The following DYNC2H1 variants were observed in gnomAD, a reference collection of about 807,000 sequenced individuals.
DYNC2H1 encodes the protein cytoplasmic dynein 2 heavy chain 1.
A neutral mutation model predicts 570.0 loss-of-function variants in DYNC2H1; 410 were observed. The ratio of observed to expected loss-of-function variants is 0.72; its 90% CI spans 0.66 to 0.78. The LOEUF is 0.78. Among genes scored for constraint, DYNC2H1 ranks in the 30% least tolerant of loss-of-function variants. The pLI, the probability that DYNC2H1 is intolerant of heterozygous loss-of-function variation, is 0.00. For synonymous variants in DYNC2H1, 1,688 were observed against 1,677.6 expected (o/e 1.01, Z -0.15); for missense variants, 4,865 against 5,046.4 (o/e 0.96, Z 1.09).
chr11:103,417,475 A>G (rs186359828), intron 84 of DYNC2H1, among the ~76,000 whole-genome samples: 2 of 152,344 alleles, frequency 1.3e-5, no homozygotes, highest in East Asian at 3.9e-4. Context: ...TCATGCACAT[A>G]ATCACAAACA....
At chr11:103,477,201 C>A (rs1165139709) in intron 88 of DYNC2H1, among the ~76,000 whole-genome samples, 1 of 152,126 alleles carries the variant, frequency 6.6e-6, no homozygotes, top group Non-Finnish European at 1.5e-5. Flanking sequence ...TGCAAAGTAA[C>A]AGAATAAGAG....
Position 103,472,081 on chromosome 11 carries a change from G to A in DYNC2H1, c.12765+3376G>A, listed in dbSNP as rs1047480873. 1.3e-5 allele frequency among the ~76,000 whole-genome samples: 2 copies of A among 152,176 alleles called. No homozygotes were observed. The highest frequency in any genetic ancestry group is 2.9e-5 in the Non-Finnish European group (2 of 68,026). On this transcript the variant is annotated intron_variant, in intron 88 of 88. Coordinates refer to ENST00000375735, the MANE Select transcript of DYNC2H1 (RefSeq NM_001377.3). This position sits in a 1 kb window ranked among gnomAD's most constrained non-coding sequence, Gnocchi z 4.1. Reference sequence around the variant, plus strand: ...TAGAAAAGAGCTTAGGATATTCTGGGAACAGCAAGTATTGTACATCTGGAG... The same window carrying A: ...TAGAAAAGAGCTTAGGATATTCTGGAAACAGCAAGTATTGTACATCTGGAG...
At chr11:103,259,267 A>G (rs1366635623) in intron 69 of DYNC2H1, among the ~76,000 whole-genome samples, 2 of 152,166 alleles carry the variant, frequency 1.3e-5, no homozygotes, top group African/African-American at 4.8e-5. Context: ...CAGGTTGACA[A>G]CCTACCCTTC....
chr11:103,134,459 G>A, intron 15 of DYNC2H1, 40 bp downstream of exon 15: 1 of 1,497,168 alleles, frequency 6.7e-7, no homozygotes, highest in South Asian at 1.3e-5. Flanking sequence ...TTTGAAATAT[G>A]ACCTTTTCAG....
chr11:103,332,258 G>A (rs1938846638), intron 82 of DYNC2H1, among the ~76,000 whole-genome samples: 1 of 141,974 alleles, frequency 7.0e-6, no homozygotes, highest in Non-Finnish European at 1.5e-5. Flanking sequence ...CAGTGAAATT[G>A]AAGATAGAGC....
At chr11:103,298,963 A>C (rs545896085) in intron 75 of DYNC2H1, among the ~76,000 whole-genome samples, 1 of 152,228 alleles carries the variant, frequency 6.6e-6, no homozygotes, top group South Asian at 2.1e-4. Context: ...ATGTGCTGGC[A>C]AAATCTACTA....
chr11:103,135,799 A>G lies in DYNC2H1; in HGVS notation c.2425A>G (p.Ile809Val), dbSNP rs1207715176. The G allele has an allele frequency of 1.2e-6, 2 of 1,613,112 alleles. No individual in the cohort carries two copies. Among genetic ancestry groups the G allele is most frequent in the East Asian group, 2.2e-5 (1 of 44,858 alleles). Residue 809 changes from isoleucine (I) to valine (V), a missense_variant, in exon 17 of 89, where the codon ATT becomes GTT. Physicochemically the swap from Ile to Val is conservative, Grantham distance 29. Around this residue, in one of 5 missense-constraint regions of DYNC2H1, gnomAD observed 1,936 missense variants for 1,962.1 expected, o/e 0.99. Coordinates refer to ENST00000375735, the MANE Select transcript of DYNC2H1 (RefSeq NM_001377.3). ...YYREMKRFIG[I>V]PNQFKGVGEA... is the part of the protein sequence containing the mutation. The stretch of plus-strand genomic sequence containing the variant: ...TAGAGAAATGAAGAGATTCATCGGC[A>G]TTCCAAATCAGTTTAAGGGAGTGGG...
At chr11:103,462,643 A>G (rs1260184732) in intron 87 of DYNC2H1, among the ~76,000 whole-genome samples, 1 of 152,222 alleles carries the variant, frequency 6.6e-6, no homozygotes, top group Non-Finnish European at 1.5e-5. Context: ...TGTTGAAAAT[A>G]AAGAATACCT....
chr11:103,143,327 T>C lies in DYNC2H1; in HGVS notation c.2634T>C (p.Thr878=). ...MEALVEKHLF[T]VHDWEKNFKA... is the part of the protein sequence containing the mutation. Reference sequence around the variant, plus strand: ...CTCTGGTGGAAAAGCATCTTTTTACTGTACATGATTGGGAGAAAAATTTTA... The same window carrying C: ...CTCTGGTGGAAAAGCATCTTTTTACCGTACATGATTGGGAGAAAAATTTTA... Residue 878 remains threonine (T), a synonymous_variant, in exon 18 of 89, where the codon ACT becomes ACC. Transcript: ENST00000375735. 1 of 1,613,462 alleles carries C rather than the reference T, an allele frequency of 6.2e-7. No homozygotes were observed. The highest frequency in any genetic ancestry group is 8.5e-7 in the Non-Finnish European group (1 of 1,179,658).
chr11:103,288,684 T>TAAAAAAAAAAAAAAAA (rs57040929), intron 75 of DYNC2H1, among the ~76,000 whole-genome samples: 5 of 27,912 alleles, frequency 1.8e-4, no homozygotes, highest in Non-Finnish European at 1.8e-4. Flanking sequence ...CCGTCTCTAC[T>TAAAAAAAAAAAAAAAA]AAAAAAAAAA....
chr11:103,115,713 G>C (rs2134691649), intron 4 of DYNC2H1, among the ~76,000 whole-genome samples: 1 of 152,268 alleles, frequency 6.6e-6, no homozygotes, highest in Non-Finnish European at 1.5e-5. Flanking sequence ...CTGAACCTGA[G>C]AGGTGGAGGT....
intron 84 of DYNC2H1, among the ~76,000 whole-genome samples, chr11:103,410,134 C>T (rs1168999877): frequency 6.6e-6 from 1 of 151,962 alleles, no homozygotes; most frequent in African/African-American, 2.4e-5. Context: ...AGTATGCTTA[C>T]CATGTTACAA....
intron 87 of DYNC2H1, among the ~76,000 whole-genome samples, chr11:103,468,170 A>G (rs1945256754): frequency 6.6e-6 from 1 of 152,026 alleles, no homozygotes; most frequent in East Asian, 1.9e-4. Flanking sequence ...TTTTCATTAC[A>G]CTTTCTGAAC....
chr11:103,474,389 T>C (rs1040321331), intron 88 of DYNC2H1, among the ~76,000 whole-genome samples: 2 of 152,204 alleles, frequency 1.3e-5, no homozygotes, highest in African/African-American at 4.8e-5. Context: ...TTAAAATAAG[T>C]TGGACTGTGC....
At chr11:103,258,260 GTGTATTA>G (rs1865141859) in intron 69 of DYNC2H1, among the ~76,000 whole-genome samples, 1 of 152,180 alleles carries the variant, frequency 6.6e-6, no homozygotes, top group Non-Finnish European at 1.5e-5. Flanking sequence ...AAGTGTATTA[GTGTATTA>G]TGGACAGCTT....
At chr11:103,279,747 T>C (rs141482406) in intron 70 of DYNC2H1, among the ~76,000 whole-genome samples, 131 of 152,340 alleles carry the variant, frequency 8.6e-4, no homozygotes, top group Admixed American at 1.9e-3. Context: ...GGTTATCTGA[T>C]AGTTTTTTCT....
intron 24 of DYNC2H1, 138 bp from the exon 25 acceptor site, chr11:103,155,193 T>A: frequency 1.2e-6 from 1 of 834,566 alleles, no homozygotes; most frequent in Non-Finnish European, 1.8e-6. Context: ...AGAATATGAT[T>A]TTAAGATTAT....
chr11:103,155,426 T>C lies in DYNC2H1; in HGVS notation c.3669T>C (p.Thr1223=), dbSNP rs1860771763. 3 of 1,612,518 alleles carry C rather than the reference T, an allele frequency of 1.9e-6. No homozygotes were observed. Among genetic ancestry groups the C allele is most frequent in the African/African-American group, 2.7e-5 (2 of 74,876 alleles). The change falls in exon 25 of 89, where the codon ACT becomes ACC. Residue 1223 remains threonine (T), a synonymous_variant. Coordinates refer to ENST00000375735, the MANE Select transcript of DYNC2H1 (RefSeq NM_001377.3). ...GTCTCCTTGGACTTCCTAGGGGGACTAGTCTAGAGAAACTACTGTTTGGTG... is the reference window on the plus strand; with the variant it reads ...GTCTCCTTGGACTTCCTAGGGGGACCAGTCTAGAGAAACTACTGTTTGGTG... ...LFRLLGLPRG[T]SLEKLLFGDL...
chr11:103,444,281 CAT>C (rs1944359838), intron 85 of DYNC2H1, among the ~76,000 whole-genome samples: 1 of 151,834 alleles, frequency 6.6e-6, no homozygotes, highest in African/African-American at 2.4e-5. Flanking sequence ...ATACTAAACA[CAT>C]AGTAATGATT....
Sources: gnomAD v4.1 joint callset for allele counts (sites outside exome capture counted in the v4.1 genomes callset) on GRCh38, gnomAD v4.1.1 for gene constraint, gnomAD v4.1.1 regional missense constraint, Gnocchi (gnomAD v3.1) non-coding constraint, MANE v1.5 for transcripts, NCBI Gene and HGNC (gene_info 2026-07-23, HGNC 2026-07-21) for gene names.